The following KDM2B variants were observed in gnomAD, a reference collection of about 807,000 sequenced individuals.
KDM2B encodes lysine demethylase 2B.
In KDM2B, 26 loss-of-function variants were observed where a neutral mutation model predicts 150.0. The ratio of observed to expected loss-of-function variants is 0.17; its 90% CI spans 0.13 to 0.24. KDM2B has a LOEUF of 0.24. Among genes scored for constraint, KDM2B ranks in the 10% least tolerant of loss-of-function variants. KDM2B has a pLI of 1.00. For missense variants in KDM2B, 1,265 were observed against 1,816.9 expected (o/e 0.70, Z 5.52); for synonymous variants, 734 against 729.5 (o/e 1.01, Z -0.10).
chr12:121,474,255 TGTAATCCCAGCACTTTGG>T (rs1283211673), intron 12 of KDM2B, among the ~76,000 whole-genome samples: 3 of 152,188 alleles, frequency 2.0e-5, no homozygotes, highest in Admixed American at 2.0e-4. Flanking sequence ...GGCTCACACC[TGTAATCCCAGCACTTTGG>T]GAGGCCGAGG....
chr12:121,576,514 G>A lies in KDM2B; in HGVS notation c.272-655C>T, dbSNP rs560158036. 2.3e-4 allele frequency among the ~76,000 whole-genome samples: 35 copies of A among 152,260 alleles called. No homozygotes were observed. The South Asian group carries it at 6.8e-3, about 30-fold the overall frequency. Reference sequence around the variant, plus strand: ...CAGTCCTTGCTTCAGCTGGATAACCGGGAGGGAGGCTCCCCAGGGGAAGGC... The same window carrying A: ...CAGTCCTTGCTTCAGCTGGATAACCAGGAGGGAGGCTCCCCAGGGGAAGGC... On this transcript the variant is annotated intron_variant, in intron 2 of 22. Coordinates refer to ENST00000377071, the MANE Select transcript of KDM2B (RefSeq NM_032590.5).
intron 4 of KDM2B, among the ~76,000 whole-genome samples, chr12:121,550,054 A>T (rs1555311545): frequency 6.6e-6 from 1 of 152,078 alleles, no homozygotes; most frequent in African/African-American, 2.4e-5. Flanking sequence ...TCATGCCTGT[A>T]ATCCCAGCAC....
At chr12:121,499,040 C>T (rs535259915) in intron 11 of KDM2B, among the ~76,000 whole-genome samples, 6 of 151,714 alleles carry the variant, frequency 4.0e-5, no homozygotes, top group African/African-American at 7.3e-5. Context: ...CAAATTCCTA[C>T]GGTCAACTGA....
chr12:121,518,143 T>TGG lies in KDM2B; in HGVS notation c.1047+2841_1047+2842insCC, dbSNP rs1555305369. On this transcript the variant is annotated intron_variant, in intron 9 of 22. Transcript: ENST00000377071. This position sits in a 1 kb window ranked among gnomAD's most constrained non-coding sequence, Gnocchi z 4.4. ...CCTGACCTCAGATCATCCGCCCGCCTTGGCCTCCCAAAGTGCTGGGATTAC... is the reference window on the plus strand; with the variant it reads ...CCTGACCTCAGATCATCCGCCCGCCTGGTGGCCTCCCAAAGTGCTGGGATTAC... Among the ~76,000 whole-genome samples, 1 of 152,218 alleles carries TGG rather than the reference T, an allele frequency of 6.6e-6. No homozygotes were observed. Among genetic ancestry groups the TGG allele is most frequent in the Non-Finnish European group, 1.5e-5 (1 of 68,038 alleles).
intron 12 of KDM2B, among the ~76,000 whole-genome samples, chr12:121,479,187 G>T (rs571454432): frequency 6.6e-6 from 1 of 151,900 alleles, no homozygotes; most frequent in East Asian, 2.0e-4. Context: ...CGGTGGCTCA[G>T]GCCTGTAATC....
intron 11 of KDM2B, among the ~76,000 whole-genome samples, chr12:121,507,027 G>A (rs144950132): frequency 0.022 from 3,357 of 151,644 alleles, 136 homozygotes; most frequent in African/African-American, 0.077. Flanking sequence ...AACCCGGGAG[G>A]TGGAGCTTGC....
chr12:121,486,333 C>CTTT (rs71079073), intron 12 of KDM2B, among the ~76,000 whole-genome samples: 1,577 of 59,006 alleles, frequency 0.027, 414 homozygotes, highest in African/African-American at 0.057. Context: ...TTTCGAACTC[C>CTTT]TTTTTTTTTT....
chr12:121,571,448 G>A (rs531601742), intron 4 of KDM2B, among the ~76,000 whole-genome samples: 8 of 148,476 alleles, frequency 5.4e-5, no homozygotes, highest in Admixed American at 4.0e-4. Context: ...GCCACCACAC[G>A]TGGTGAATTT....
At chr12:121,416,225 G>C in the KDM2B span, 1 of 1,614,110 alleles carries the variant, frequency 6.2e-7, no homozygotes, top group South Asian at 1.1e-5. Context: ...AACTGGAGCT[G>C]TCAGGGGCCA....
At chr12:121,428,987 G>A (rs1278445610), downstream of KDM2B, 1 of 152,332 alleles carries the variant, frequency 6.6e-6, no homozygotes, top group African/African-American at 2.4e-5. Context: ...CGTTGTCAGA[G>A]TATAGCTCTT....
intron 8 of KDM2B, among the ~76,000 whole-genome samples, chr12:121,522,507 T>C (rs1594040345): frequency 8.8e-6 from 1 of 113,870 alleles, no homozygotes. Flanking sequence ...AGAGTGAAAC[T>C]CCGTCTCAAA....
Position 121,453,077 on chromosome 12 carries a change from G to A in KDM2B, c.1959+43C>T, listed in dbSNP as rs1555291969. 4 of 1,513,992 alleles carry A rather than the reference G, an allele frequency of 2.6e-6. No individual in the cohort carries two copies. Among genetic ancestry groups the A allele is most frequent in the South Asian group, 2.5e-5 (2 of 81,626 alleles). 93.8% of individuals were successfully genotyped at this position (1,513,992 alleles called of 1,614,324 possible). ...GGTCAGACACGCGGGCCGGCACGCA[G>A]GGGCCTGAATCGAGCGCAGGGCTGG... On this transcript the variant is annotated intron_variant, in intron 13 of 22. Transcript: ENST00000377071. The surrounding 1 kb of genome is among the most constrained non-coding windows in gnomAD (Gnocchi z 6.4).
chr12:121,560,132 G>C (rs914463253), intron 4 of KDM2B, among the ~76,000 whole-genome samples: 1 of 151,908 alleles, frequency 6.6e-6, no homozygotes, highest in Non-Finnish European at 1.5e-5. Context: ...AGCCTCCCAA[G>C]GAGGTTGGGA....
At chr12:121,572,245 G>T (rs1555316078) in intron 4 of KDM2B, among the ~76,000 whole-genome samples, 3 of 152,056 alleles carry the variant, frequency 2.0e-5, no homozygotes, top group Non-Finnish European at 2.9e-5. Flanking sequence ...CCCAACCCAA[G>T]AAAATAATCA....
At chr12:121,503,128 C>A (rs1884745363) in intron 11 of KDM2B, among the ~76,000 whole-genome samples, 2 of 151,796 alleles carry the variant, frequency 1.3e-5, no homozygotes, top group Non-Finnish European at 2.9e-5. Context: ...CAGGCGTGCG[C>A]CATCACGCCC....
In KDM2B at chr12:121,452,944, G is replaced by A. The variant is rs937020635; in HGVS notation, c.1959+176C>T. 1.3e-5 allele frequency among the ~76,000 whole-genome samples: 2 copies of A among 152,188 alleles called. No individual in the cohort carries two copies. The highest frequency in any genetic ancestry group is 4.8e-5 in the African/African-American group (2 of 41,444). On this transcript the variant is annotated intron_variant, in intron 13 of 22. Coordinates refer to ENST00000377071, the MANE Select transcript of KDM2B (RefSeq NM_032590.5). This position sits in a 1 kb window ranked among gnomAD's most constrained non-coding sequence, Gnocchi z 4.4. ...GCACCCTGGGAGGGAAGGAGCAGGA[G>A]GCCTGAGCCTGCGAAGCGGCCAGCG...
chr12:121,412,724 C>CT, the KDM2B span, among the ~76,000 whole-genome samples: 3,543 of 121,846 alleles, frequency 0.029, 187 homozygotes, highest in African/African-American at 0.082. Flanking sequence ...GATGTTCATG[C>CT]TTTTTTTTTT....
chr12:121,436,861 A>C (rs1874085390), intron 22 of KDM2B, among the ~76,000 whole-genome samples: 1 of 152,218 alleles, frequency 6.6e-6, no homozygotes, highest in African/African-American at 2.4e-5. Flanking sequence ...ATGGTTTTAG[A>C]CCTTGCCTCT....
chr12:121,475,632 G>T (rs1423483025), intron 12 of KDM2B, among the ~76,000 whole-genome samples: 1 of 151,272 alleles, frequency 6.6e-6, no homozygotes, highest in Non-Finnish European at 1.5e-5. Flanking sequence ...AGTGGCTCAT[G>T]ACTGTAATCC....
Sources: allele counts gnomAD v4.1 joint callset (sites outside exome capture counted in the v4.1 genomes callset), GRCh38; gene constraint gnomAD v4.1.1; non-coding constraint Gnocchi (gnomAD v3.1); transcripts MANE v1.5; gene names NCBI Gene and HGNC (gene_info 2026-07-23, HGNC 2026-07-21).